PEPD: variants seen among roughly 807,000 people sequenced by gnomAD.
PEPD encodes the protein xaa-Pro dipeptidase.
PEPD carries 53 observed loss-of-function variants against 60.7 expected under a neutral mutation model. The observed-to-expected ratio is 0.87, with a 90% CI of 0.70 to 1.10. The LOEUF is 1.10. Ranked by LOEUF, PEPD falls within the 50% of genes least tolerant of loss-of-function variation. The pLI is 0.00. For synonymous variants in PEPD, 267 were observed against 284.1 expected (o/e 0.94, Z 0.60); for missense variants, 711 against 711.9 (o/e 1.00, Z 0.01).
intron 9 of PEPD, among the ~76,000 whole-genome samples, chr19:33,457,440 G>A (rs2145261017): frequency 6.6e-6 from 1 of 152,288 alleles, no homozygotes; most frequent in Admixed American, 6.5e-5. Flanking sequence ...CCTGAGCACT[G>A]TGGGCTGGCA....
chr19:33,421,762 C>T (rs1555756171), intron 9 of PEPD, among the ~76,000 whole-genome samples: 2 of 152,150 alleles, frequency 1.3e-5, no homozygotes, highest in South Asian at 2.1e-4. Context: ...CCCAAAGGTC[C>T]GGTATTACAG....
intron 8 of PEPD, among the ~76,000 whole-genome samples, chr19:33,463,423 G>A (rs1969965967): frequency 6.6e-6 from 1 of 152,222 alleles, no homozygotes. Context: ...AACACGGAGA[G>A]CATTATCTCG....
At chr19:33,446,000 C>T (rs1333584607) in intron 9 of PEPD, among the ~76,000 whole-genome samples, 2 of 152,192 alleles carry the variant, frequency 1.3e-5, no homozygotes, top group African/African-American at 4.8e-5. Flanking sequence ...AAGGAAGGGC[C>T]GCCTGTCCAA....
chr19:33,462,974 C>A, intron 9 of PEPD, 21 bp downstream of exon 9: 4 of 1,531,944 alleles, frequency 2.6e-6, no homozygotes, highest in Non-Finnish European at 3.6e-6. Flanking sequence ...TAATTTTACC[C>A]GGAGAAACAT....
At chr19:33,505,296 G>A (rs146195250) in intron 3 of PEPD, among the ~76,000 whole-genome samples, 2 of 152,054 alleles carry the variant, frequency 1.3e-5, no homozygotes, top group African/African-American at 2.4e-5. Flanking sequence ...GGTGGAAGCC[G>A]GCAGCCATCT....
chr19:33,480,840 G>GTGTGTATATA (rs151181225), intron 6 of PEPD, among the ~76,000 whole-genome samples: 34 of 150,974 alleles, frequency 2.3e-4, no homozygotes, highest in African/African-American at 7.3e-4. Flanking sequence ...GTGTGTGTGT[G>GTGTGTATATA]TATATCAAAA....
chr19:33,475,088 G>A (rs966727271), intron 7 of PEPD, among the ~76,000 whole-genome samples: 3 of 151,804 alleles, frequency 2.0e-5, no homozygotes, highest in South Asian at 2.1e-4. Flanking sequence ...CTTCACATCC[G>A]TACCATGAGT....
In PEPD at chr19:33,449,880, T is replaced by G. The variant is rs189283092; in HGVS notation, c.671+13115A>C. ...CGGGGTGACATGATCAATAATTATA[T>G]CACAGGTCTCAGGTAGCAGGACCCA... On this transcript the variant is annotated intron_variant, in intron 9 of 14. Transcript: ENST00000244137. 4.2e-3 allele frequency among the ~76,000 whole-genome samples: 632 copies of G among 152,214 alleles called. 12 individuals are homozygous for G. Among genetic ancestry groups the G allele is most frequent in the South Asian group, 0.033 (157 of 4,810 alleles).
At chr19:33,437,728 A>G (rs542188872) in intron 9 of PEPD, among the ~76,000 whole-genome samples, 1 of 152,326 alleles carries the variant, frequency 6.6e-6, no homozygotes, top group South Asian at 2.1e-4. Context: ...TGCCCACCAC[A>G]GGTAAGTAGG....
intron 11 of PEPD, among the ~76,000 whole-genome samples, chr19:33,410,174 C>T (rs988634067): frequency 1.3e-5 from 2 of 152,240 alleles, no homozygotes; most frequent in East Asian, 1.9e-4. Flanking sequence ...GGCCTGCCTC[C>T]GCTTGCACCC....
chr19:33,424,993 A>C (rs998056228), intron 9 of PEPD, among the ~76,000 whole-genome samples: 9 of 148,560 alleles, frequency 6.1e-5, no homozygotes, highest in African/African-American at 2.2e-4. Context: ...AAAAAACAAA[A>C]AAACAAACAA....
intron 9 of PEPD, among the ~76,000 whole-genome samples, chr19:33,428,252 G>A (rs1969193945): frequency 1.3e-5 from 2 of 152,188 alleles, no homozygotes; most frequent in Non-Finnish European, 2.9e-5. Flanking sequence ...CGTGGATGCC[G>A]GGTTTCCTGA....
chr19:33,435,009 G>A (rs963927042), intron 9 of PEPD, among the ~76,000 whole-genome samples: 1 of 152,170 alleles, frequency 6.6e-6, no homozygotes, highest in African/African-American at 2.4e-5. Context: ...AGGGACTCGG[G>A]AAAGATCAAA....
At chr19:33,424,459 C>T (rs1969098915) in intron 9 of PEPD, among the ~76,000 whole-genome samples, 1 of 152,242 alleles carries the variant, frequency 6.6e-6, no homozygotes, top group Non-Finnish European at 1.5e-5. Flanking sequence ...CTGGGATCCA[C>T]ACCTGTTCGC....
chr19:33,508,100 G>A (rs1449927467), intron 3 of PEPD, among the ~76,000 whole-genome samples: 1 of 152,116 alleles, frequency 6.6e-6, no homozygotes, highest in Non-Finnish European at 1.5e-5. Context: ...CCCTGAAGCT[G>A]TTTCTCCTTC....
intron 4 of PEPD, among the ~76,000 whole-genome samples, chr19:33,499,194 T>G (rs190256050): frequency 8.5e-5 from 13 of 152,292 alleles, no homozygotes; most frequent in African/African-American, 3.1e-4. Context: ...ACATGTGTAT[T>G]GACAGAATCT....
At chr19:33,454,619 A>AT (rs2145256400) in intron 9 of PEPD, among the ~76,000 whole-genome samples, 1 of 152,248 alleles carries the variant, frequency 6.6e-6, no homozygotes, top group South Asian at 2.1e-4. Context: ...GAAAAAAAAA[A>AT]GAAAGAAAGT....
intron 3 of PEPD, among the ~76,000 whole-genome samples, chr19:33,506,850 CT>C (rs768965321): frequency 6.6e-6 from 1 of 150,808 alleles, no homozygotes; most frequent in Non-Finnish European, 1.5e-5. Flanking sequence ...ACATTCACCC[CT>C]CCTCATAAAC....
At chr19:33,502,283 TCA>T (rs1368031997) in intron 3 of PEPD, among the ~76,000 whole-genome samples, 1 of 152,200 alleles carries the variant, frequency 6.6e-6, no homozygotes, top group Non-Finnish European at 1.5e-5. Context: ...GTCTGTGACC[TCA>T]CAGTGTTACA....
Sources: gnomAD v4.1 joint callset for allele counts (sites outside exome capture counted in the v4.1 genomes callset) on GRCh38, gnomAD v4.1.1 for gene constraint, MANE v1.5 for transcripts, NCBI Gene and HGNC (gene_info 2026-07-23, HGNC 2026-07-21) for gene names.